Variants in EVC2 observed in about 807,000 individuals in gnomAD.
EVC2 encodes the protein EvC ciliary complex subunit 2, also known as limbin.
EVC2 carries 148 observed loss-of-function variants against 149.3 expected under a neutral mutation model. That is an observed-to-expected ratio of 0.99 (90% CI 0.87 to 1.14). The LOEUF (loss-of-function observed/expected upper bound fraction) is 1.14, where lower values mean the gene tolerates loss of function less well. Ranked by LOEUF, EVC2 falls within the 50% of genes most tolerant of loss-of-function variation. The probability of loss-of-function intolerance (pLI) is 0.00; values close to 1 mark genes in which losing one functional copy is unlikely to be tolerated. For missense variants in EVC2, 1,854 were observed against 1,627.3 expected, an observed-to-expected ratio of 1.14 and a Z score of -2.40; for synonymous variants, 776 against 649.9, an observed-to-expected ratio of 1.19 and a Z score of -2.95.
intron 7 of EVC2, among the ~76,000 whole-genome samples, chr4:5,672,911 T>G (rs572500645): frequency 6.6e-6 from 1 of 152,286 alleles, no homozygotes; most frequent in East Asian, 1.9e-4. Context: ...ACACGTACTG[T>G]GTGATTCCAC....
At chr4:5,687,496 T>A (rs1345473886) in intron 5 of EVC2, among the ~76,000 whole-genome samples, 1 of 151,726 alleles carries the variant, frequency 6.6e-6, no homozygotes, top group Non-Finnish European at 1.5e-5. Context: ...GTGTGGAAAG[T>A]GCCTAGAATG....
rs1343993763 is a variant in EVC2, at chr4:5,569,421, T to C, written c.3361-781A>G. On this transcript the variant is annotated intron_variant, in intron 19 of 21. Coordinates refer to ENST00000344408, the MANE Select transcript of EVC2 (RefSeq NM_147127.5). The surrounding 1 kb of genome is among the most constrained non-coding windows in gnomAD (Gnocchi z 4.8). ...TTCTGATGCTGTCTGACAGGAACCA[T>C]TGGGGAAAATTGAGTGAAACTCTCT... is the stretch of plus-strand genomic sequence containing the variant. 1.3e-5 allele frequency among the ~76,000 whole-genome samples: 2 copies of C among 152,158 alleles called. No homozygotes were observed. Among genetic ancestry groups the C allele is most frequent in the African/African-American group, 4.8e-5 (2 of 41,430 alleles).
chr4:5,532,273 T>C, the EVC2 span, among the ~76,000 whole-genome samples: 1 of 152,120 alleles, frequency 6.6e-6, no homozygotes, highest in Non-Finnish European at 1.5e-5. Flanking sequence ...AGGTCAGTTT[T>C]TTCTGCTGTT....
chr4:5,647,714 T>G (rs1309655585), intron 9 of EVC2, among the ~76,000 whole-genome samples: 1 of 152,218 alleles, frequency 6.6e-6, no homozygotes, highest in East Asian at 1.9e-4. Context: ...GGGAGGACAG[T>G]GCCCCCGCAA....
intron 9 of EVC2, among the ~76,000 whole-genome samples, chr4:5,653,806 T>C (rs763837113): frequency 5.3e-5 from 8 of 152,128 alleles, no homozygotes; most frequent in African/African-American, 1.4e-4. Context: ...ATCTATTACG[T>C]AAACAAAAAG....
At chr4:5,705,892 G>A (rs1722101390) in intron 1 of EVC2, among the ~76,000 whole-genome samples, 1 of 152,036 alleles carries the variant, frequency 6.6e-6, no homozygotes, top group Non-Finnish European at 1.5e-5. Context: ...CATTCCCAGT[G>A]GGCATCAAAT....
chr4:5,543,681 T>C (rs1414027951), intron 21 of EVC2, among the ~76,000 whole-genome samples: 2 of 152,024 alleles, frequency 1.3e-5, no homozygotes, highest in Non-Finnish European at 2.9e-5. Context: ...GGAAGAACCA[T>C]AGGGGTGGGG....
chr4:5,630,926 C>A (rs553540686), intron 11 of EVC2, among the ~76,000 whole-genome samples: 36 of 152,326 alleles, frequency 2.4e-4, no homozygotes, highest in African/African-American at 7.9e-4. Context: ...CTATCAGCAC[C>A]AGTGACAGCG....
At chr4:5,607,070 T>C (rs1203620837) in intron 16 of EVC2, among the ~76,000 whole-genome samples, 2 of 152,160 alleles carry the variant, frequency 1.3e-5, no homozygotes, top group Non-Finnish European at 2.9e-5. Flanking sequence ...TCATTCACAA[T>C]TACAGCCAAA....
intron 16 of EVC2, among the ~76,000 whole-genome samples, chr4:5,610,590 G>A (rs971963215): frequency 1.3e-5 from 2 of 152,030 alleles, no homozygotes; most frequent in East Asian, 1.9e-4. Context: ...GTAAACCATA[G>A]ACATGAGCTC....
intron 13 of EVC2, among the ~76,000 whole-genome samples, chr4:5,623,227 C>T (rs1715855802): frequency 6.6e-6 from 1 of 152,202 alleles, no homozygotes; most frequent in Non-Finnish European, 1.5e-5. Context: ...TCTCCACCTC[C>T]TGGGTTCAAG....
intron 21 of EVC2, among the ~76,000 whole-genome samples, chr4:5,557,088 T>G (rs567171566): frequency 1.3e-5 from 2 of 152,168 alleles, no homozygotes; most frequent in African/African-American, 4.8e-5. Flanking sequence ...CCAGTATAAC[T>G]GTAATATAAA....
chr4:5,533,044 A>G, the EVC2 span, among the ~76,000 whole-genome samples: 3 of 150,592 alleles, frequency 2.0e-5, no homozygotes, highest in Non-Finnish European at 4.4e-5. Context: ...TAGATGCTAG[A>G]ACGTATCACG....
At chr4:5,706,409 G>GATACATAC (rs1560243656) in intron 1 of EVC2, among the ~76,000 whole-genome samples, 1 of 76,518 alleles carries the variant, frequency 1.3e-5, no homozygotes, top group African/African-American at 4.5e-5. Context: ...TAGATAGATA[G>GATACATAC]ATACATAGAT....
At chr4:5,535,613 G>C in the EVC2 span, among the ~76,000 whole-genome samples, 1 of 149,630 alleles carries the variant, frequency 6.7e-6, no homozygotes, top group Admixed American at 6.6e-5. This position sits in a 1 kb window ranked among gnomAD's most constrained non-coding sequence, Gnocchi z 4.7. Flanking sequence ...GAGAGAGAGA[G>C]AGAGAGAGAG....
chr4:5,533,414 T>A, the EVC2 span, among the ~76,000 whole-genome samples: 1 of 149,234 alleles, frequency 6.7e-6, no homozygotes, highest in East Asian at 2.0e-4. Flanking sequence ...CAGTGGGGGG[T>A]GGAGTGGGAG....
rs1318313186 is a variant in EVC2, at chr4:5,622,963, G to T, written c.2075C>A (p.Ser692Tyr). 3 of 1,613,928 alleles carry T rather than the reference G, an allele frequency of 1.9e-6. No homozygotes were observed. The Admixed American group carries it at 5.0e-5, about 27-fold the overall frequency. ...KHREQRREQA[S>Y]VGEAFRTVED... Reference sequence around the variant, plus strand: ...AACCGTTCGGAAGGCCTCGCCGACGGACGCCTGCTCCCTACGCTGCTCCCT... The same window carrying T: ...AACCGTTCGGAAGGCCTCGCCGACGTACGCCTGCTCCCTACGCTGCTCCCT... Residue 692 changes from serine to tyrosine, a missense_variant, in exon 14 of 22, where the codon TCC becomes TAC. Transcript: ENST00000344408. The surrounding 1 kb of genome is among the most constrained non-coding windows in gnomAD (Gnocchi z 5.8).
intron 2 of EVC2, among the ~76,000 whole-genome samples, chr4:5,697,232 T>C (rs1721531566): frequency 6.6e-6 from 1 of 152,210 alleles, no homozygotes; most frequent in Non-Finnish European, 1.5e-5. Context: ...TGCTTTCCAG[T>C]ACTGTAAGAG....
At chr4:5,673,492 A>T (rs980307864) in intron 7 of EVC2, among the ~76,000 whole-genome samples, 2 of 152,338 alleles carry the variant, frequency 1.3e-5, no homozygotes, top group Middle Eastern at 3.4e-3. Flanking sequence ...CTGTAAGTAC[A>T]GATTCCAAAG....
Sources: allele counts gnomAD v4.1 joint callset (sites outside exome capture counted in the v4.1 genomes callset), GRCh38; gene constraint gnomAD v4.1.1; non-coding constraint Gnocchi (gnomAD v3.1); transcripts MANE v1.5; gene names NCBI Gene and HGNC (gene_info 2026-07-23, HGNC 2026-07-21).